Variants in DNM1L observed in about 807,000 individuals in gnomAD.
DNM1L encodes dynamin 1L, also known as dynamin-1-like protein.
A neutral mutation model predicts 92.8 loss-of-function variants in DNM1L; 33 were observed. The observed-to-expected ratio is 0.36, with a 90% CI of 0.27 to 0.48. The LOEUF (loss-of-function observed/expected upper bound fraction) is 0.48, where lower values mean the gene tolerates loss of function less well. Ranked by LOEUF, DNM1L falls within the 20% of genes least tolerant of loss-of-function variation. The pLI is 0.99. For synonymous variants in DNM1L, 284 were observed against 305.0 expected (o/e 0.93, Z 0.72); for missense variants, 485 against 888.8 (o/e 0.55, Z 5.78).
At chr12:32,722,371 A>G in intron 8 of DNM1L, 56 bp from the exon 9 acceptor site, 1 of 1,492,396 alleles carries the variant, frequency 6.7e-7, no homozygotes, top group Non-Finnish European at 9.3e-7. Flanking sequence ...TGACTTGTTT[A>G]GGGCTTTAGA....
Position 32,744,987 on chromosome 12 carries a change from A to G in DNM1L, c.*1577A>G, listed in dbSNP as rs1592703912. 1.9e-6 allele frequency: 1 copy of G among 518,438 alleles called. No homozygotes were observed. The highest frequency in any genetic ancestry group is 3.2e-4 in the Middle Eastern group (1 of 3,142). The allele number at this position is 518,438 out of a possible 1,614,324, so 32.1% of individuals were successfully genotyped here. A position where few individuals can be genotyped will look rare whatever the true frequency, so the allele number is the denominator to read the frequency against. On this transcript the variant is annotated 3_prime_UTR_variant, in exon 20 of 20. Transcript: ENST00000549701. ...TATGACCAGGTATTTATGAAGGACT[A>G]TTGGCAGGGAAAATATGAATATGTT... is the stretch of plus-strand genomic sequence containing the variant.
intron 1 of DNM1L, among the ~76,000 whole-genome samples, chr12:32,689,882 G>A (rs1312336657): frequency 6.6e-6 from 1 of 152,196 alleles, no homozygotes; most frequent in African/African-American, 2.4e-5. Flanking sequence ...ATACAGTGCA[G>A]TTTGGAAGAA....
intron 2 of DNM1L, among the ~76,000 whole-genome samples, chr12:32,703,715 T>C (rs1324654785): frequency 6.6e-6 from 1 of 151,798 alleles, no homozygotes; most frequent in Non-Finnish European, 1.5e-5. Context: ...AGGTTACCAA[T>C]AGTAGATTCA....
At chr12:32,722,342 T>C in intron 8 of DNM1L, 85 bp from the exon 9 acceptor site, 1 of 1,090,092 alleles carries the variant, frequency 9.2e-7, no homozygotes, top group Non-Finnish European at 1.4e-6. Flanking sequence ...TTTGATAGGT[T>C]TTCCCCATTG....
At chr12:32,730,633 C>G (rs1385103399) in intron 9 of DNM1L, among the ~76,000 whole-genome samples, 2 of 151,764 alleles carry the variant, frequency 1.3e-5, no homozygotes, top group Non-Finnish European at 2.9e-5. Flanking sequence ...CTATGTGACC[C>G]TTTATGGAAA....
At position 32,737,945 on chromosome 12, in the gene DNM1L, C is replaced by T. The variant is rs1444780248; in HGVS notation, c.1674+3C>T. ...CTTCTGCTGAGGCTGATGGCAAGGT[C>T]TGTTCTGATTCTTAATCTAAGCCTG... is the stretch of plus-strand genomic sequence containing the variant. On this transcript the variant is annotated splice_donor_region_variant and intron_variant, in intron 15 of 19. Transcript: ENST00000549701. The T allele has an allele frequency of 1.9e-6, 3 of 1,613,684 alleles. No homozygotes were observed. The highest frequency in any genetic ancestry group is 2.5e-6 in the Non-Finnish European group (3 of 1,179,920).
chr12:32,708,973 A>T (rs897958942), intron 4 of DNM1L, among the ~76,000 whole-genome samples: 2 of 152,142 alleles, frequency 1.3e-5, no homozygotes, highest in African/African-American at 4.8e-5. Context: ...TTAATCCCAC[A>T]AGTGGGCCCT....
Position 32,737,945 on chromosome 12 carries a change from C to G in DNM1L, c.1674+3C>G. 6.2e-7 allele frequency: 1 copy of G among 1,613,684 alleles called. No individual in the cohort carries two copies. The highest frequency in any genetic ancestry group is 8.5e-7 in the Non-Finnish European group (1 of 1,179,920). ...CTTCTGCTGAGGCTGATGGCAAGGT[C>G]TGTTCTGATTCTTAATCTAAGCCTG... On this transcript the variant is annotated splice_donor_region_variant and intron_variant, in intron 15 of 19. Transcript: ENST00000549701.
chr12:32,736,960 A>G, intron 13 of DNM1L, 145 bp from the exon 14 acceptor site: 2 of 758,822 alleles, frequency 2.6e-6, no homozygotes, highest in Non-Finnish European at 4.3e-6. Flanking sequence ...ATTTATTTTA[A>G]AATATGATAA....
chr12:32,739,925 C>A (rs1339818884), intron 16 of DNM1L, 139 bp from the exon 17 acceptor site: 7 of 1,049,784 alleles, frequency 6.7e-6, no homozygotes, highest in African/African-American at 1.6e-5. Flanking sequence ...CCTAGTGTCT[C>A]CTTCTGACCT....
At chr12:32,722,890 TTAA>T (rs1266156208) in intron 9 of DNM1L, 1 of 161,004 alleles carries the variant, frequency 6.2e-6, no homozygotes, top group East Asian at 1.7e-4. Context: ...TTATAAGTAT[TTAA>T]TAAGTATTAA....
chr12:32,732,048 CATA>C (rs1242967680), intron 12 of DNM1L, 105 bp downstream of exon 12: 13 of 830,038 alleles, frequency 1.6e-5, no homozygotes, highest in Non-Finnish European at 2.4e-5. Context: ...AGAGTGTAGG[CATA>C]ATGTTTTCCA....
chr12:32,739,238 T>C (rs180749149), intron 16 of DNM1L, among the ~76,000 whole-genome samples: 6 of 152,260 alleles, frequency 3.9e-5, no homozygotes, highest in African/African-American at 1.2e-4. Context: ...ATTAAACTTA[T>C]ATAATCCATT....
chr12:32,727,132 A>C, intron 9 of DNM1L: 1 of 758,964 alleles, frequency 1.3e-6, no homozygotes, highest in Non-Finnish European at 2.4e-6. Flanking sequence ...AACTCCTCTG[A>C]AATCTCATCT....
At position 32,743,395 on chromosome 12, in the gene DNM1L, G is replaced by GA; in HGVS notation, c.2197dup (p.Thr733AsnfsTer10). 6.2e-7 allele frequency: 1 copy of GA among 1,613,990 alleles called. No homozygotes were observed. Among genetic ancestry groups the GA allele is most frequent in the Non-Finnish European group, 8.5e-7 (1 of 1,179,998 alleles). The stretch of plus-strand genomic sequence containing the variant: ...GTCAAATTATTGCTGAAATCCGGGA[G>GA]ACTCATCTTTGGTGAAGAGAACTAT... On this transcript the variant is annotated frameshift_variant, in exon 20 of 20. Transcript: ENST00000549701. LOFTEE classifies it high-confidence loss of function.
At chr12:32,723,138 CTT>C (rs749276773) in intron 9 of DNM1L, among the ~76,000 whole-genome samples, 3 of 142,620 alleles carry the variant, frequency 2.1e-5, no homozygotes, top group Non-Finnish European at 3.1e-5. Flanking sequence ...AAATTCCATC[CTT>C]TTTTTTTTTT....
chr12:32,714,556 G>A (rs1022419972), intron 6 of DNM1L, among the ~76,000 whole-genome samples: 3 of 152,024 alleles, frequency 2.0e-5, no homozygotes, highest in Admixed American at 1.3e-4. Context: ...ACAGGTGTGA[G>A]CCACCGTGCT....
rs1377811818 is a variant in DNM1L, at chr12:32,744,755, T to G, written c.*1345T>G. The G allele has an allele frequency of 4.9e-6, 2 of 405,272 alleles. No individual in the cohort carries two copies. The highest frequency in any genetic ancestry group is 6.8e-5 in the Admixed American group (2 of 29,226). 25.1% of individuals were successfully genotyped at this position (405,272 alleles called of 1,614,324 possible). A position where few individuals can be genotyped will look rare whatever the true frequency, so the allele number is the denominator to read the frequency against. ...ACAACACCCAGATAGATACACATAC[T>G]CCTTCAGACTTACAGACCTAAGCTG... is the stretch of plus-strand genomic sequence containing the variant. On this transcript the variant is annotated 3_prime_UTR_variant, in exon 20 of 20. Coordinates refer to ENST00000549701, the MANE Select transcript of DNM1L (RefSeq NM_012062.5).
At chr12:32,689,363 A>G (rs1210147671) in intron 1 of DNM1L, among the ~76,000 whole-genome samples, 3 of 151,896 alleles carry the variant, frequency 2.0e-5, no homozygotes, top group African/African-American at 7.3e-5. Flanking sequence ...ACGCCTGGCT[A>G]ATTTTGTATT....
Sources: allele counts gnomAD v4.1 joint callset (sites outside exome capture counted in the v4.1 genomes callset), GRCh38; gene constraint gnomAD v4.1.1; transcripts MANE v1.5; gene names NCBI Gene and HGNC (gene_info 2026-07-23, HGNC 2026-07-21).